The following GLS2 variants were observed in gnomAD, a reference collection of about 807,000 sequenced individuals.
The protein encoded by GLS2 is glutaminase 2.
GLS2 carries 52 observed loss-of-function variants against 79.0 expected under a neutral mutation model. The observed-to-expected ratio is 0.66, with a 90% CI of 0.53 to 0.83. GLS2 has a LOEUF of 0.83. Among genes scored for constraint, GLS2 ranks in the 40% least tolerant of loss-of-function variants. GLS2 has a pLI of 0.00. For missense variants in GLS2, 561 were observed against 764.8 expected, an observed-to-expected ratio of 0.73 and a Z score of 3.14; for synonymous variants, 238 against 280.8, an observed-to-expected ratio of 0.85 and a Z score of 1.52.
intron 1 of GLS2, among the ~76,000 whole-genome samples, chr12:56,480,791 G>A (rs1213075858): frequency 1.3e-5 from 2 of 152,182 alleles, no homozygotes; most frequent in Non-Finnish European, 2.9e-5. Context: ...CACACCTTAA[G>A]TCCATGCTTA....
intron 2 of GLS2, 74 bp from the exon 3 acceptor site, chr12:56,479,975 G>T: frequency 6.4e-7 from 1 of 1,554,360 alleles, no homozygotes; most frequent in Non-Finnish European, 8.7e-7. Context: ...TTTCCCACTG[G>T]ATACCCAATT....
intron 12 of GLS2, chr12:56,474,097 T>C (rs974226399): frequency 3.1e-5 from 3 of 96,584 alleles, no homozygotes; most frequent in Non-Finnish European, 6.9e-5. Flanking sequence ...TTTTTCTTTT[T>C]TTCTTTTTTT....
intron 7 of GLS2, chr12:56,476,470 A>G (rs1288671076): frequency 6.1e-6 from 1 of 165,132 alleles, no homozygotes; most frequent in African/African-American, 2.4e-5. Context: ...ACTCCATCCC[A>G]TTGGCCAGCA....
chr12:56,476,590 ATTT>A (rs761969192), intron 7 of GLS2: 7 of 125,956 alleles, frequency 5.6e-5, no homozygotes, highest in Non-Finnish European at 8.5e-5. Context: ...CCCTGCCTCA[ATTT>A]TTTTTTTTTT....
At position 56,475,970 on chromosome 12, in the gene GLS2, C is replaced by T. The variant is rs754437848; in HGVS notation, c.845G>A (p.Cys282Tyr). The part of the protein sequence containing the change: ...IVVSSLIKMD[C>Y]NKAEKFDFVL... ...AAAATCAAACTTCTCTGCTTTGTTA[C>T]AGTCCATCTGCAGAGAAAGAGAGAG... Residue 282 changes from cysteine to tyrosine, a missense_variant, in exon 8 of 18, where the codon TGT becomes TAT. Coordinates refer to ENST00000311966, the MANE Select transcript of GLS2 (RefSeq NM_013267.4). 1 of 1,613,466 alleles carries T rather than the reference C, an allele frequency of 6.2e-7. No homozygotes were observed. Among genetic ancestry groups the T allele is most frequent in the Admixed American group, 1.7e-5 (1 of 60,012 alleles).
At chr12:56,485,250 G>T (rs1870589856) in intron 1 of GLS2, among the ~76,000 whole-genome samples, 2 of 151,914 alleles carry the variant, frequency 1.3e-5, no homozygotes, top group Non-Finnish European at 2.9e-5. Context: ...AAATTTTTAA[G>T]TAATAAACTT....
At chr12:56,482,312 G>A (rs1323659144) in intron 1 of GLS2, among the ~76,000 whole-genome samples, 1 of 152,162 alleles carries the variant, frequency 6.6e-6, no homozygotes, top group Non-Finnish European at 1.5e-5. Context: ...AGATATAACA[G>A]GCAATATAGA....
intron 8 of GLS2, 38 bp downstream of exon 8, chr12:56,475,907 C>T (rs765118414): frequency 3.9e-5 from 63 of 1,611,686 alleles, no homozygotes; most frequent in South Asian, 1.4e-4. Context: ...CATGCCATGG[C>T]GAAATGCAGC....
rs775055804 is a variant in GLS2 at position 56,478,168 on chromosome 12, T to G, written c.614+15A>C. 3 of 1,614,188 alleles carry G rather than the reference T, an allele frequency of 1.9e-6. No individual in the cohort carries two copies. The highest frequency in any genetic ancestry group is 2.5e-6 in the Non-Finnish European group (3 of 1,180,028). On this transcript the variant is annotated intron_variant, in intron 5 of 17. Coordinates refer to ENST00000311966, the MANE Select transcript of GLS2 (RefSeq NM_013267.4). ...CCTGTGCCCTGCCTCCCCTTCCTCT[T>G]GCCCAGCATCTCACCGTTGACCATC...
intron 12 of GLS2, 118 bp downstream of exon 12, chr12:56,474,426 C>A: frequency 1.5e-6 from 2 of 1,291,068 alleles, no homozygotes; most frequent in South Asian, 2.7e-5. Context: ...TAATTGCCTT[C>A]CTGGAAGTTA....
chr12:56,476,389 G>A (rs140461042), intron 7 of GLS2: 5 of 224,934 alleles, frequency 2.2e-5, no homozygotes, highest in Middle Eastern at 1.8e-3. Context: ...TTCCTGACTC[G>A]AATCCTGTCT....
chr12:56,474,818 C>T (rs1300846948), intron 11 of GLS2, 28 bp downstream of exon 11: 10 of 1,612,806 alleles, frequency 6.2e-6, no homozygotes, highest in Admixed American at 1.7e-5. Context: ...CTGTCCTGTT[C>T]CCTCGGCCCT....
rs1869937759 is a variant in GLS2 at position 56,477,662 on chromosome 12, T to C, written c.835A>G (p.Lys279Glu). Residue 279 changes from lysine to glutamate, a missense_variant and splice_region_variant, in exon 7 of 18, where the codon AAG (lysine) becomes GAG (glutamate). Physicochemically the swap from Lys to Glu is moderately conservative, Grantham distance 56 (BLOSUM62 1). Coordinates refer to ENST00000311966, the MANE Select transcript of GLS2 (RefSeq NM_013267.4). ...AGAIVVSSLI[K>E]MDCNKAEKFD... is the part of the protein sequence containing the mutation. ...CAGAAGGTTAAGGTGGCACTGACCT[T>C]GATCAGGGAGCTGACAACAATGGCA... is the stretch of plus-strand genomic sequence containing the variant. 6.2e-7 allele frequency: 1 copy of C among 1,613,278 alleles called. No individual in the cohort carries two copies.
chr12:56,478,308 G>A (rs376985234), intron 4 of GLS2, 46 bp from the exon 5 acceptor site: 65 of 1,584,190 alleles, frequency 4.1e-5, no homozygotes, highest in Non-Finnish European at 5.3e-5. Context: ...GTGGAGAAGA[G>A]GAACAGAGTT....
At position 56,477,907 on chromosome 12, in the gene GLS2, ACGGTCTGAGCCTTGGTAGTG is replaced by A; in HGVS notation, c.778+6_778+25del. 1 of 1,603,588 alleles carries A rather than the reference ACGGTCTGAGCCTTGGTAGTG, an allele frequency of 6.2e-7. No homozygotes were observed. The highest frequency in any genetic ancestry group is 8.5e-7 in the Non-Finnish European group (1 of 1,174,338). ...TAAGGAGAAGGGGACAGCTGTAAGT[ACGGTCTGAGCCTTGGTAGTG>A]CTCACCTTCCTCATTGAGGGAGAGC... On this transcript the variant is annotated splice_donor_region_variant and intron_variant, in intron 6 of 17. Coordinates refer to ENST00000311966, the MANE Select transcript of GLS2 (RefSeq NM_013267.4).
intron 1 of GLS2, among the ~76,000 whole-genome samples, chr12:56,484,257 G>A (rs1475444992): frequency 6.6e-6 from 1 of 152,118 alleles, no homozygotes; most frequent in African/African-American, 2.4e-5. Flanking sequence ...GCAACAGAGC[G>A]AGACTCCATC....
At chr12:56,475,821 G>T in intron 8 of GLS2, 124 bp downstream of exon 8, 1 of 1,415,010 alleles carries the variant, frequency 7.1e-7, no homozygotes. Flanking sequence ...CACATTTCTG[G>T]AAATAAGGCT....
chr12:56,477,432 T>TG (rs1869917949), intron 7 of GLS2: 1 of 422,176 alleles, frequency 2.4e-6, no homozygotes, highest in East Asian at 3.9e-5. Flanking sequence ...GACTCATGGG[T>TG]GGGGGCAGGG....
intron 8 of GLS2, 70 bp from the exon 9 acceptor site, chr12:56,475,752 T>C (rs1869750149): frequency 1.9e-6 from 3 of 1,541,390 alleles, no homozygotes; most frequent in Non-Finnish European, 2.7e-6. Context: ...ACAGGTTGAC[T>C]AGCCCTTCTG....
Sources: gnomAD v4.1 joint callset for allele counts (sites outside exome capture counted in the v4.1 genomes callset) on GRCh38, gnomAD v4.1.1 for gene constraint, MANE v1.5 for transcripts, NCBI Gene and HGNC (gene_info 2026-07-23, HGNC 2026-07-21) for gene names.